Variants in HSPBAP1 observed in about 807,000 individuals in gnomAD.
HSPBAP1 encodes the protein HSPB1 associated protein 1.
A neutral mutation model predicts 45.2 loss-of-function variants in HSPBAP1; 27 were observed. The observed-to-expected ratio is 0.60, with a 90% CI of 0.44 to 0.82. The LOEUF (loss-of-function observed/expected upper bound fraction) is 0.82. Ranked by LOEUF, HSPBAP1 falls within the 40% of genes least tolerant of loss-of-function variation. The probability of loss-of-function intolerance (pLI) is 0.00; values close to 1 mark genes in which losing one functional copy is unlikely to be tolerated. For synonymous variants in HSPBAP1, 204 were observed against 202.7 expected (o/e 1.01, Z -0.06); for missense variants, 510 against 590.9 (o/e 0.86, Z 1.42).
chr3:122,768,633 G>T, intron 3 of HSPBAP1, 68 bp downstream of exon 3: 2 of 1,060,998 alleles, frequency 1.9e-6, no homozygotes, highest in Non-Finnish European at 2.9e-6. Context: ...GTGCCAGGGA[G>T]ATTCTAATTT....
chr3:122,789,043 T>C (rs1935740618), intron 1 of HSPBAP1, among the ~76,000 whole-genome samples: 1 of 152,258 alleles, frequency 6.6e-6, no homozygotes. Context: ...GAATTACATA[T>C]GGATTCTAAC....
intron 2 of HSPBAP1, among the ~76,000 whole-genome samples, chr3:122,777,279 T>C (rs1345649773): frequency 6.6e-6 from 1 of 152,186 alleles, no homozygotes; most frequent in African/African-American, 2.4e-5. Context: ...CAAGTAATTA[T>C]ATACAACTAT....
At chr3:122,772,944 G>A (rs1331571031) in intron 2 of HSPBAP1, among the ~76,000 whole-genome samples, 1 of 151,840 alleles carries the variant, frequency 6.6e-6, no homozygotes, top group African/African-American at 2.4e-5. Flanking sequence ...GAACTGCTGG[G>A]CTTAAGCAAT....
intron 3 of HSPBAP1, among the ~76,000 whole-genome samples, chr3:122,766,511 C>A (rs767935810): frequency 4.9e-4 from 75 of 152,218 alleles, no homozygotes; most frequent in Non-Finnish European, 1.2e-4. Flanking sequence ...AGGGCTCAGT[C>A]AGAATTCCAG....
chr3:122,791,286 T>C (rs1023509784), intron 1 of HSPBAP1, among the ~76,000 whole-genome samples: 3 of 152,244 alleles, frequency 2.0e-5, no homozygotes, highest in South Asian at 2.1e-4. Flanking sequence ...TCTTAATGTC[T>C]AGATTCCTTA....
At chr3:122,778,206 GTTTTT>G (rs71136591) in intron 1 of HSPBAP1, among the ~76,000 whole-genome samples, 2 of 77,542 alleles carry the variant, frequency 2.6e-5, no homozygotes, top group African/African-American at 7.6e-5. Flanking sequence ...TCAACAGGTA[GTTTTT>G]TTTGTTGTTT....
At position 122,742,556 on chromosome 3, in the gene HSPBAP1, G is replaced by C. The variant is rs1933705240; in HGVS notation, c.826-1443C>G. Among the ~76,000 whole-genome samples the C allele has an allele frequency of 1.3e-5, 2 of 152,162 alleles. 1 individual carries two copies. The highest frequency in any genetic ancestry group is 1.3e-4 in the Admixed American group (2 of 15,272). ...GTAATGATTAATTTTGAGTCAAGGTGGCTAGACAATAGCACCCAGTTGTTT... is the reference window on the plus strand; with the variant it reads ...GTAATGATTAATTTTGAGTCAAGGTCGCTAGACAATAGCACCCAGTTGTTT... On this transcript the variant is annotated intron_variant, in intron 6 of 7. Transcript: ENST00000306103.
chr3:122,763,010 A>G (rs917809957), intron 3 of HSPBAP1, among the ~76,000 whole-genome samples: 6 of 152,186 alleles, frequency 3.9e-5, no homozygotes, highest in Non-Finnish European at 8.8e-5. Context: ...TAGGTTGGTC[A>G]GTTTTGTTCA....
At chr3:122,784,303 G>T (rs904831013) in intron 1 of HSPBAP1, among the ~76,000 whole-genome samples, 3 of 152,234 alleles carry the variant, frequency 2.0e-5, no homozygotes, top group Middle Eastern at 3.4e-3. Flanking sequence ...AAAAATGAAA[G>T]AACTGTTCAT....
At chr3:122,768,949 T>TAA (rs111824677) in intron 2 of HSPBAP1, 67 bp from the exon 3 acceptor site, 15 of 1,096,502 alleles carry the variant, frequency 1.4e-5, no homozygotes, top group Middle Eastern at 2.6e-4. Flanking sequence ...GTTTTTTTTT[T>TAA]AAAATAAAGA....
intron 6 of HSPBAP1, among the ~76,000 whole-genome samples, chr3:122,747,599 G>A (rs184624898): frequency 0.022 from 2,980 of 138,280 alleles, 119 homozygotes; most frequent in African/African-American, 0.075. Flanking sequence ...TCAGCGCCCC[G>A]CCCGGCCAGC....
intron 3 of HSPBAP1, among the ~76,000 whole-genome samples, chr3:122,760,365 A>G (rs1295960012): frequency 3.9e-5 from 6 of 151,904 alleles, no homozygotes; most frequent in Non-Finnish European, 7.4e-5. Context: ...ATAAAAGCAA[A>G]AAAAAAAACA....
intron 1 of HSPBAP1, among the ~76,000 whole-genome samples, chr3:122,787,100 T>C (rs1257325535): frequency 2.6e-5 from 4 of 152,168 alleles, no homozygotes. Context: ...TAGTAATTTT[T>C]AACTAGATGA....
At chr3:122,775,757 T>A (rs1935173176) in intron 2 of HSPBAP1, among the ~76,000 whole-genome samples, 1 of 152,246 alleles carries the variant, frequency 6.6e-6, no homozygotes, top group African/African-American at 2.4e-5. Flanking sequence ...AATTACTGTA[T>A]GACCCAGCAA....
chr3:122,779,934 G>C (rs1576270562), intron 1 of HSPBAP1, among the ~76,000 whole-genome samples: 2 of 151,920 alleles, frequency 1.3e-5, no homozygotes, highest in Non-Finnish European at 2.9e-5. Flanking sequence ...GCAACCATCC[G>C]ATTTCTCAAT....
At chr3:122,774,331 G>A (rs578024474) in intron 2 of HSPBAP1, among the ~76,000 whole-genome samples, 60 of 152,286 alleles carry the variant, frequency 3.9e-4, no homozygotes, top group Middle Eastern at 3.4e-3. Context: ...TCTGACAGAA[G>A]GAGATGAATT....
intron 1 of HSPBAP1, among the ~76,000 whole-genome samples, chr3:122,785,840 TATAGATAGATAG>T (rs60587307): frequency 2.6e-5 from 4 of 151,536 alleles, no homozygotes; most frequent in South Asian, 2.1e-4. Context: ...AGTAGCCAAA[TATAGATAGATAG>T]ATAGATAGAT....
At chr3:122,741,911 C>T (rs1298377830) in intron 6 of HSPBAP1, 1 of 151,982 alleles carries the variant, frequency 6.6e-6, no homozygotes, top group Non-Finnish European at 1.5e-5. Context: ...AAGTCTTATA[C>T]ACTAATGGGA....
At chr3:122,742,383 A>G (rs984005312) in intron 6 of HSPBAP1, among the ~76,000 whole-genome samples, 2 of 152,090 alleles carry the variant, frequency 1.3e-5, no homozygotes, top group Non-Finnish European at 2.9e-5. Context: ...TCACACCAGG[A>G]TAGTGCTAAT....
Sources: gnomAD v4.1 joint callset for allele counts (sites outside exome capture counted in the v4.1 genomes callset) on GRCh38, gnomAD v4.1.1 for gene constraint, MANE v1.5 for transcripts, NCBI Gene and HGNC (gene_info 2026-07-23, HGNC 2026-07-21) for gene names.